LSAMP: variants seen among roughly 807,000 people sequenced by gnomAD.
The protein encoded by LSAMP is limbic system-associated membrane protein.
A neutral mutation model predicts 38.6 loss-of-function variants in LSAMP; 7 were observed. The observed-to-expected ratio is 0.18, with a 90% confidence interval of 0.10 to 0.34. The LOEUF (loss-of-function observed/expected upper bound fraction) is 0.34, where lower values mean the gene tolerates loss of function less well. LSAMP is among the 10% of genes least tolerant of loss of function. The pLI is 1.00. For missense variants in LSAMP, 313 were observed against 420.0 expected (o/e 0.75, Z 2.23); for synonymous variants, 154 against 166.8 (o/e 0.92, Z 0.59).
At chr3:116,274,963 A>G (rs1053053362) in intron 1 of LSAMP, among the ~76,000 whole-genome samples, 38 of 151,786 alleles carry the variant, frequency 2.5e-4, no homozygotes, top group African/African-American at 9.2e-4. Flanking sequence ...CCAAAAAAAA[A>G]AAAAAACTGC....
chr3:116,297,197 CTATA>C lies in LSAMP; in HGVS notation c.155+147676_155+147679del, dbSNP rs2047347818. On this transcript the variant is annotated intron_variant, in intron 1 of 6. Transcript: ENST00000490035. ...TGAAAACAGGTGAAAGAGAGATTGG[CTATA>C]TAGATAGAAGATGTAGAGGTGAAGA... 2.6e-5 allele frequency among the ~76,000 whole-genome samples: 4 copies of C among 152,166 alleles called. No individual in the cohort carries two copies. In the South Asian group the frequency reaches 8.3e-4, roughly 32 times the overall value.
intron 3 of LSAMP, among the ~76,000 whole-genome samples, chr3:115,906,954 G>C (rs1370656418): frequency 1.3e-5 from 2 of 152,106 alleles, no homozygotes; most frequent in Non-Finnish European, 2.9e-5. Context: ...TTAAATCCAA[G>C]AGGTAAACAA....
At chr3:115,869,584 G>A (rs11927271) in intron 3 of LSAMP, among the ~76,000 whole-genome samples, 5,746 of 152,100 alleles carry the variant, frequency 0.038, 199 homozygotes, top group African/African-American at 0.095. Flanking sequence ...TTCATTACTT[G>A]CAGATGTTCT....
intron 1 of LSAMP, among the ~76,000 whole-genome samples, chr3:116,300,417 G>A (rs758052993): frequency 9.9e-5 from 15 of 152,168 alleles, no homozygotes; most frequent in Non-Finnish European, 1.9e-4. Flanking sequence ...CAATGGGCCC[G>A]CTCTCCTATT....
chr3:116,170,463 G>C (rs989129134), intron 1 of LSAMP, among the ~76,000 whole-genome samples: 5 of 152,078 alleles, frequency 3.3e-5, no homozygotes, highest in Non-Finnish European at 7.4e-5. Flanking sequence ...ACAGGCACTG[G>C]ATAAAAAAGT....
chr3:116,123,029 G>A (rs561594123), intron 1 of LSAMP, among the ~76,000 whole-genome samples: 91 of 152,270 alleles, frequency 6.0e-4, no homozygotes, highest in Middle Eastern at 3.4e-3. Flanking sequence ...CTTTTTTTGA[G>A]TTACTTTCTG....
intron 3 of LSAMP, among the ~76,000 whole-genome samples, chr3:115,884,163 G>A (rs148677727): frequency 6.6e-6 from 1 of 151,994 alleles, no homozygotes; most frequent in Non-Finnish European, 1.5e-5. Flanking sequence ...AGAAAAGAGA[G>A]AGCTCTATGT....
chr3:116,162,069 C>T (rs546300704), intron 1 of LSAMP, among the ~76,000 whole-genome samples: 3 of 151,980 alleles, frequency 2.0e-5, no homozygotes, highest in South Asian at 2.1e-4. Context: ...ATGGATCCAC[C>T]GCCTCCTTTA....
chr3:116,115,682 CAAAA>C (rs796405320), intron 1 of LSAMP, among the ~76,000 whole-genome samples: 14 of 150,338 alleles, frequency 9.3e-5, no homozygotes, highest in African/African-American at 3.4e-4. Flanking sequence ...AAAAACAAAA[CAAAA>C]AAAACTTTGT....
chr3:116,085,726 A>G (rs1033948646), intron 2 of LSAMP, among the ~76,000 whole-genome samples: 1 of 152,194 alleles, frequency 6.6e-6, no homozygotes, highest in Non-Finnish European at 1.5e-5. Flanking sequence ...AGATCCCCCA[A>G]TCTAGAAGCA....
chr3:116,324,847 T>A (rs2047748672), intron 1 of LSAMP, among the ~76,000 whole-genome samples: 1 of 152,136 alleles, frequency 6.6e-6, no homozygotes, highest in Admixed American at 6.5e-5. Context: ...TACCTCTTTC[T>A]TTTCATAGGC....
intron 3 of LSAMP, among the ~76,000 whole-genome samples, chr3:115,953,444 A>ACACAC (rs1224815803): frequency 1.0e-5 from 1 of 97,120 alleles, no homozygotes; most frequent in Non-Finnish European, 2.2e-5. Flanking sequence ...CACACACACA[A>ACACAC]TGTCTAAAAT....
intron 3 of LSAMP, among the ~76,000 whole-genome samples, chr3:115,898,126 C>T (rs1936775084): frequency 6.6e-6 from 1 of 152,114 alleles, no homozygotes; most frequent in South Asian, 2.1e-4. Flanking sequence ...ACTCTTGGCT[C>T]ATTCTCAGGG....
chr3:116,014,128 T>C (rs991422652), intron 3 of LSAMP, among the ~76,000 whole-genome samples: 4 of 152,178 alleles, frequency 2.6e-5, no homozygotes, highest in African/African-American at 9.7e-5. Flanking sequence ...TATGATGGTG[T>C]GAAAGTCATA....
At chr3:116,003,407 C>A (rs1940057134) in intron 3 of LSAMP, among the ~76,000 whole-genome samples, 1 of 152,124 alleles carries the variant, frequency 6.6e-6, no homozygotes, top group African/African-American at 2.4e-5. Context: ...TTCAATATTG[C>A]AAGAGTTGGA....
chr3:116,285,654 T>C (rs1049124071), intron 1 of LSAMP, among the ~76,000 whole-genome samples: 1 of 152,150 alleles, frequency 6.6e-6, no homozygotes, highest in African/African-American at 2.4e-5. Context: ...CTCATTAGAA[T>C]GTAAAAGTCA....
chr3:116,353,710 A>C (rs1205240767), intron 1 of LSAMP, among the ~76,000 whole-genome samples: 1 of 152,126 alleles, frequency 6.6e-6, no homozygotes, highest in African/African-American at 2.4e-5. Context: ...TTATATAATA[A>C]AATCAAACAA....
At chr3:115,982,023 G>A (rs1939374759) in intron 3 of LSAMP, among the ~76,000 whole-genome samples, 1 of 152,152 alleles carries the variant, frequency 6.6e-6, no homozygotes, top group East Asian at 1.9e-4. Flanking sequence ...ATGCTTCTTG[G>A]TCAAAATGTT....
intron 3 of LSAMP, among the ~76,000 whole-genome samples, chr3:115,921,462 A>G (rs1937380112): frequency 6.6e-6 from 1 of 152,078 alleles, no homozygotes; most frequent in African/African-American, 2.4e-5. Flanking sequence ...CCCTCCACAC[A>G]TACGCATGTT....
Sources: allele counts gnomAD v4.1 joint callset (sites outside exome capture counted in the v4.1 genomes callset), GRCh38; gene constraint gnomAD v4.1.1; transcripts MANE v1.5; gene names NCBI Gene and HGNC (gene_info 2026-07-23, HGNC 2026-07-21).